The following SLC9A9 variants were observed in gnomAD, a reference collection of about 807,000 sequenced individuals.
The protein encoded by SLC9A9 is sodium/hydrogen exchanger 9.
In SLC9A9, 62 loss-of-function variants were observed where a neutral mutation model predicts 77.8. The ratio of observed to expected loss-of-function variants is 0.80; its 90% CI spans 0.65 to 0.98. The LOEUF (loss-of-function observed/expected upper bound fraction) is 0.98, where lower values mean the gene tolerates loss of function less well. Among genes scored for constraint, SLC9A9 ranks in the 50% least tolerant of loss-of-function variants. The pLI is 0.00. For missense variants in SLC9A9, 775 were observed against 774.9 expected (o/e 1.00, Z 0.00); for synonymous variants, 320 against 283.5 (o/e 1.13, Z -1.29).
intron 2 of SLC9A9, among the ~76,000 whole-genome samples, chr3:143,800,795 C>G (rs575533375): frequency 6.6e-6 from 1 of 152,270 alleles, no homozygotes; most frequent in African/African-American, 2.4e-5. Context: ...AACAAGACAC[C>G]CTCCTGCTCC....
chr3:143,361,136 T>A (rs2032743171), intron 14 of SLC9A9, among the ~76,000 whole-genome samples: 1 of 152,260 alleles, frequency 6.6e-6, no homozygotes, highest in Non-Finnish European at 1.5e-5. Flanking sequence ...TAAATCTATA[T>A]GTATATGATA....
chr3:143,735,280 A>T (rs971963457), intron 4 of SLC9A9, among the ~76,000 whole-genome samples: 2 of 152,350 alleles, frequency 1.3e-5, no homozygotes, highest in African/African-American at 4.8e-5. Context: ...AGCAAAGTGA[A>T]CAATAGACCC....
intron 6 of SLC9A9, among the ~76,000 whole-genome samples, chr3:143,651,332 A>G (rs1035207394): frequency 6.6e-6 from 1 of 152,168 alleles, no homozygotes; most frequent in East Asian, 1.9e-4. Context: ...TTCACTGTCA[A>G]CTTTGGGGCA....
intron 13 of SLC9A9, among the ~76,000 whole-genome samples, chr3:143,374,338 T>C (rs1448321336): frequency 7.2e-6 from 1 of 138,218 alleles, no homozygotes. Flanking sequence ...GGCAGGAGAA[T>C]GGCGTGAACC....
chr3:143,300,393 A>T (rs539827659), intron 14 of SLC9A9, among the ~76,000 whole-genome samples: 1 of 152,318 alleles, frequency 6.6e-6, no homozygotes, highest in Admixed American at 6.5e-5. Context: ...TCTGCACCTC[A>T]TTGGAAGAAG....
In SLC9A9 at chr3:143,563,358, T is replaced by A. The variant is rs1202489367; in HGVS notation, c.1000+10730A>T. 2.6e-5 allele frequency among the ~76,000 whole-genome samples: 4 copies of A among 152,232 alleles called. No homozygotes were observed. In the East Asian group the frequency reaches 7.7e-4, roughly 29 times the overall value. On this transcript the variant is annotated intron_variant, in intron 8 of 15. Coordinates refer to ENST00000316549, the MANE Select transcript of SLC9A9 (RefSeq NM_173653.4). ...CCCCCTCAGAAAGCATTAGTGCTAC[T>A]AAATATACTATGTCTATTTACTTGT...
chr3:143,456,048 T>G (rs2035085529), intron 12 of SLC9A9, among the ~76,000 whole-genome samples: 1 of 152,090 alleles, frequency 6.6e-6, no homozygotes, highest in Non-Finnish European at 1.5e-5. Context: ...TATAAGTTTT[T>G]TTAGATGTCT....
intron 11 of SLC9A9, among the ~76,000 whole-genome samples, chr3:143,490,891 AAT>A (rs1344045816): frequency 3.3e-5 from 5 of 152,172 alleles, no homozygotes; most frequent in African/African-American, 1.2e-4. Flanking sequence ...TGAAAAATCC[AAT>A]GTTCTTTCCA....
intron 14 of SLC9A9, among the ~76,000 whole-genome samples, chr3:143,331,896 C>A (rs186273188): frequency 2.0e-5 from 3 of 152,164 alleles, no homozygotes; most frequent in Admixed American, 2.0e-4. Context: ...ATATTTGGGG[C>A]AGTCAGGAAT....
chr3:143,811,861 A>C, intron 2 of SLC9A9: 1 of 326,338 alleles, frequency 3.1e-6, no homozygotes, highest in Non-Finnish European at 5.9e-6. Context: ...GATCTTGTCT[A>C]AAAAGAAAAA....
chr3:143,433,570 T>G (rs957687345), intron 12 of SLC9A9, among the ~76,000 whole-genome samples: 2 of 152,198 alleles, frequency 1.3e-5, no homozygotes, highest in Non-Finnish European at 2.9e-5. Context: ...ATTTGCCAGA[T>G]TAATCGAGAT....
At chr3:143,790,753 A>G (rs1428876092) in intron 4 of SLC9A9, among the ~76,000 whole-genome samples, 2 of 152,258 alleles carry the variant, frequency 1.3e-5, no homozygotes, top group East Asian at 3.8e-4. Flanking sequence ...TGTAAAAAGC[A>G]TAAGTCAGTG....
chr3:143,324,828 A>T (rs368694394), intron 14 of SLC9A9, among the ~76,000 whole-genome samples: 1 of 152,104 alleles, frequency 6.6e-6, no homozygotes, highest in South Asian at 2.1e-4. Flanking sequence ...TTTTTAAAAA[A>T]ACAGTAGCTT....
intron 7 of SLC9A9, among the ~76,000 whole-genome samples, chr3:143,576,358 G>A (rs1224469250): frequency 6.6e-6 from 1 of 152,178 alleles, no homozygotes; most frequent in Non-Finnish European, 1.5e-5. Context: ...ATAAATGTTA[G>A]ATGATGTGAT....
At chr3:143,395,326 T>C (rs1160480160) in intron 12 of SLC9A9, among the ~76,000 whole-genome samples, 2 of 152,146 alleles carry the variant, frequency 1.3e-5, no homozygotes. Flanking sequence ...TGGACAAACC[T>C]GACAAAAACA....
At chr3:143,558,672 C>T (rs1315951486) in intron 8 of SLC9A9, among the ~76,000 whole-genome samples, 1 of 152,188 alleles carries the variant, frequency 6.6e-6, no homozygotes, top group Non-Finnish European at 1.5e-5. Flanking sequence ...CCTGTACCCT[C>T]ATTGTATCTA....
chr3:143,394,262 G>A (rs2033643822), intron 12 of SLC9A9, among the ~76,000 whole-genome samples: 4 of 152,200 alleles, frequency 2.6e-5, no homozygotes. Context: ...CCATGATCAA[G>A]TGGGCTTCAT....
At chr3:143,750,581 C>T (rs564722032) in intron 4 of SLC9A9, among the ~76,000 whole-genome samples, 1 of 152,140 alleles carries the variant, frequency 6.6e-6, no homozygotes, top group South Asian at 2.1e-4. Context: ...CCTGTGTAGA[C>T]AAATCTGCCT....
chr3:143,793,815 T>G (rs956137144), intron 4 of SLC9A9, among the ~76,000 whole-genome samples: 1 of 152,194 alleles, frequency 6.6e-6, no homozygotes, highest in Non-Finnish European at 1.5e-5. Flanking sequence ...AATATTTAGC[T>G]ATTGCATACT....
Sources: gnomAD v4.1 joint callset for allele counts (sites outside exome capture counted in the v4.1 genomes callset) on GRCh38, gnomAD v4.1.1 for gene constraint, MANE v1.5 for transcripts, NCBI Gene and HGNC (gene_info 2026-07-23, HGNC 2026-07-21) for gene names.